TCF20: variants seen among roughly 807,000 people sequenced by gnomAD.
TCF20 encodes transcription factor 20.
In TCF20, 3 loss-of-function variants were observed where a neutral mutation model predicts 148.6. That is an observed-to-expected ratio of 0.02 (90% CI 0.01 to 0.05). TCF20 has a LOEUF of 0.05. Among genes scored for constraint, TCF20 ranks in the 10% least tolerant of loss-of-function variants. TCF20 has a pLI of 1.00. For missense variants in TCF20, 2,350 were observed against 2,429.3 expected (o/e 0.97, Z 0.69); for synonymous variants, 1,049 against 909.5 (o/e 1.15, Z -2.76).
chr22:42,308,358 G>T (rs1024118834), intron 1 of TCF20, among the ~76,000 whole-genome samples: 1 of 152,266 alleles, frequency 6.6e-6, no homozygotes, highest in East Asian at 1.9e-4. Flanking sequence ...AACACTAGGG[G>T]TGGAGACAGT....
intron 2 of TCF20, among the ~76,000 whole-genome samples, chr22:42,197,128 ACTAAAC>A (rs921815747): frequency 6.6e-6 from 1 of 152,126 alleles, no homozygotes; most frequent in Admixed American, 6.5e-5. Context: ...GGTTATCTTT[ACTAAAC>A]CAACACATGA....
At chr22:42,225,642 A>AT (rs1922822439) in intron 1 of TCF20, among the ~76,000 whole-genome samples, 2 of 150,196 alleles carry the variant, frequency 1.3e-5, no homozygotes, top group Non-Finnish European at 2.9e-5. Context: ...AAAAAAAAAA[A>AT]TTACAACCCT....
chr22:42,271,101 AGTGGGGTCGGGC>A (rs1189513535), upstream of TCF20, among the ~76,000 whole-genome samples: 1 of 151,788 alleles, frequency 6.6e-6, no homozygotes, highest in African/African-American at 2.4e-5. Flanking sequence ...TGACCTGTTT[AGTGGGGTCGGGC>A]GTGGGGGCGG....
chr22:42,320,764 T>C (rs991110906), intron 1 of TCF20, among the ~76,000 whole-genome samples: 1 of 152,174 alleles, frequency 6.6e-6, no homozygotes, highest in African/African-American at 2.4e-5. Flanking sequence ...AAGCCGGGAA[T>C]CCCCATTTAT....
chr22:42,223,628 T>C (rs1025579427), intron 1 of TCF20, among the ~76,000 whole-genome samples: 1 of 152,226 alleles, frequency 6.6e-6, no homozygotes, highest in African/African-American at 2.4e-5. Flanking sequence ...ATAAGATATA[T>C]AATATGCCCA....
chr22:42,243,292 C>CAGAAAAAAAAAA (rs1924605057), intron 1 of TCF20, among the ~76,000 whole-genome samples: 1 of 39,478 alleles, frequency 2.5e-5, no homozygotes, highest in African/African-American at 8.5e-5. Context: ...GACACTGTCT[C>CAGAAAAAAAAAA]AAAAAAAAAA....
At chr22:42,303,347 C>T (rs936175717) in intron 1 of TCF20, among the ~76,000 whole-genome samples, 3 of 152,214 alleles carry the variant, frequency 2.0e-5, no homozygotes, top group African/African-American at 4.8e-5. Flanking sequence ...CAGAGGAGAC[C>T]GAGGCTCAGA....
At chr22:42,322,804 G>A (rs2147050782) in intron 1 of TCF20, among the ~76,000 whole-genome samples, 1 of 151,634 alleles carries the variant, frequency 6.6e-6, no homozygotes, top group Admixed American at 6.6e-5. Flanking sequence ...ATGAGTGCCT[G>A]AGTAAATGAA....
At chr22:42,329,040 C>T (rs973991785) in intron 1 of TCF20, among the ~76,000 whole-genome samples, 4 of 152,226 alleles carry the variant, frequency 2.6e-5, no homozygotes, top group African/African-American at 7.2e-5. Flanking sequence ...CTCTGCAGCC[C>T]CTTGTTTGTT....
At chr22:42,207,574 G>A (rs1378103106) in intron 2 of TCF20, among the ~76,000 whole-genome samples, 1 of 152,164 alleles carries the variant, frequency 6.6e-6, no homozygotes, top group African/African-American at 2.4e-5. Context: ...CCAGCACTTT[G>A]GGAGGCCGAG....
At chr22:42,294,285 C>A (rs574732961) in intron 1 of TCF20, among the ~76,000 whole-genome samples, 3 of 152,240 alleles carry the variant, frequency 2.0e-5, no homozygotes, top group Admixed American at 2.0e-4. Context: ...TCTCAGCCCG[C>A]GACCCCGCCC....
intron 1 of TCF20, among the ~76,000 whole-genome samples, chr22:42,318,857 G>A (rs926335861): frequency 6.6e-6 from 1 of 152,170 alleles, no homozygotes; most frequent in African/African-American, 2.4e-5. Context: ...GCCTGGGTGT[G>A]TGGGGTGCTC....
intron 1 of TCF20, among the ~76,000 whole-genome samples, chr22:42,329,272 A>C (rs1927928268): frequency 6.6e-6 from 1 of 152,180 alleles, no homozygotes; most frequent in Non-Finnish European, 1.5e-5. Context: ...CATCCCCAGC[A>C]CACAGGCTGC....
At chr22:42,186,343 G>A (rs1478909909) in intron 2 of TCF20, among the ~76,000 whole-genome samples, 4 of 152,144 alleles carry the variant, frequency 2.6e-5, no homozygotes, top group South Asian at 2.1e-4. Context: ...TTTGCCTTCT[G>A]CCTAAAGCTG....
intron 2 of TCF20, among the ~76,000 whole-genome samples, chr22:42,187,316 C>A (rs1937092655): frequency 6.6e-6 from 1 of 152,202 alleles, no homozygotes; most frequent in Non-Finnish European, 1.5e-5. Context: ...ATCTTTCAAG[C>A]ATAATTTGAA....
In TCF20 at chr22:42,210,021, G is replaced by A. The variant is rs770853722; in HGVS notation, c.5285C>T (p.Thr1762Met). Residue 1762 changes from threonine (T) to methionine (M), a missense_variant, in exon 2 of 6, where the codon ACG becomes ATG. Thr to Met is a moderately conservative substitution (Grantham distance 81, BLOSUM62 -1). This residue lies in a region of TCF20 where 374 missense variants were observed against 398.3 expected (regional missense o/e 0.94). Coordinates refer to ENST00000677622, the MANE Select transcript of TCF20 (RefSeq NM_001378418.1). This position sits in a 1 kb window ranked among gnomAD's most constrained non-coding sequence, Gnocchi z 4.7. ...CTGCTCTTCCTCCTCCTCAGTGTCC[G>A]TCTTGGAGCCATTAGAAGCACTTTT... is the stretch of plus-strand genomic sequence containing the variant. Reference protein sequence around the residue: ...RHKSASNGSKTDTEEEEEQQQ... With the variant: ...RHKSASNGSKMDTEEEEEQQQ... The A allele has an allele frequency of 2.5e-6, 4 of 1,612,760 alleles. No individual in the cohort carries two copies. The highest frequency in any genetic ancestry group is 2.2e-5 in the East Asian group (1 of 44,878).
Position 42,213,465 on chromosome 22 carries a change from G to C in TCF20, c.1841C>G (p.Thr614Arg). 1 of 1,614,180 alleles carries C rather than the reference G, an allele frequency of 6.2e-7. No individual in the cohort carries two copies. Among genetic ancestry groups the C allele is most frequent in the Non-Finnish European group, 8.5e-7 (1 of 1,180,028 alleles). Residue 614 changes from threonine (T) to arginine (R), a missense_variant, in exon 2 of 6, where the codon ACA (threonine) becomes AGA (arginine). Transcript: ENST00000677622. The part of the protein sequence containing the change: ...VGVIVSREAM[T>R]GRVEKPGGQD... ...TCCACCAGGCTTTTCTACCCGACCT[G>C]TCATGGCTTCCCGGGAGACAATCAC...
At chr22:42,278,266 C>G (rs1238255470) in intron 1 of TCF20, 1 of 152,204 alleles carries the variant, frequency 6.6e-6, no homozygotes, top group Admixed American at 6.5e-5. Context: ...GGAGCAGTTT[C>G]ATCTCACACG....
intron 2 of TCF20, among the ~76,000 whole-genome samples, chr22:42,181,050 C>T (rs552513654): frequency 2.0e-5 from 3 of 152,324 alleles, no homozygotes; most frequent in African/African-American, 7.2e-5. Context: ...AGGACAAGTT[C>T]ACAGCATTTC....
Sources: gnomAD v4.1 joint callset for allele counts (sites outside exome capture counted in the v4.1 genomes callset) on GRCh38, gnomAD v4.1.1 for gene constraint, gnomAD v4.1.1 regional missense constraint, Gnocchi (gnomAD v3.1) non-coding constraint, MANE v1.5 for transcripts, NCBI Gene and HGNC (gene_info 2026-07-23, HGNC 2026-07-21) for gene names.